Variants in C6orf15 observed in about 807,000 individuals in gnomAD.
C6orf15 encodes chromosome 6 open reading frame 15.
Under a neutral mutation model 2.8 loss-of-function variants are expected in C6orf15, and 5 were observed. The ratio of observed to expected loss-of-function variants is 1.80; its 90% confidence interval spans 0.94 to 3.78. The LOEUF is 3.78. C6orf15 is among the 30% of genes most tolerant of loss of function. The pLI is 0.00. For synonymous variants in C6orf15, 145 were observed against 163.2 expected (o/e 0.89, Z 0.85); for missense variants, 363 against 418.8 (o/e 0.87, Z 1.16).
At position 31,111,564 on chromosome 6, in the gene C6orf15, A is replaced by G. The variant is rs1771779032; in HGVS notation, c.795T>C (p.Asn265=). 3 of 1,574,408 alleles carry G rather than the reference A, an allele frequency of 1.9e-6. No individual in the cohort carries two copies. The highest frequency in any genetic ancestry group is 2.6e-6 in the Non-Finnish European group (3 of 1,159,512). Residue 265 remains asparagine, a synonymous_variant, in exon 2 of 2, where the codon AAT becomes AAC. Coordinates refer to ENST00000259870, the MANE Select transcript of C6orf15 (RefSeq NM_014070.3). ...RYPGGSWGNI[N]RYPGGSWGNI... The stretch of plus-strand genomic sequence containing the variant: ...TCCCCCAGCTGCCTCCTGGATACCG[A>G]TTAATATTTCCCCAGCTGCCTCCTG...
chr6:31,111,519 T>A lies in C6orf15; in HGVS notation c.840A>T (p.Gly280=). The part of the protein sequence containing the change: ...GSWGNINRYP[G]GSWGNIHLYP... ...ATAGATGAATATTCCCCCAGCTGCC[T>A]CCTGGATACCGATTAATATTCCCCC... The change falls in exon 2 of 2, where the codon GGA becomes GGT. Residue 280 remains glycine (G), a synonymous_variant. Coordinates refer to ENST00000259870, the MANE Select transcript of C6orf15 (RefSeq NM_014070.3). The A allele has an allele frequency of 6.2e-7, 1 of 1,604,022 alleles. No homozygotes were observed. The highest frequency in any genetic ancestry group is 8.5e-7 in the Non-Finnish European group (1 of 1,174,848).
Position 31,111,666 on chromosome 6 carries a change from G to A in C6orf15, c.693C>T (p.Pro231=), listed in dbSNP as rs778078806. The A allele has an allele frequency of 6.2e-7, 1 of 1,611,434 alleles. No individual in the cohort carries two copies. The highest frequency in any genetic ancestry group is 1.7e-5 in the Admixed American group (1 of 59,968). Reference sequence around the variant, plus strand: ...CCCAGATTCCCTCAGGGTGTGGCATGGGCCTCGTTCCCCAACCAGTCCCAG... The same window carrying A: ...CCCAGATTCCCTCAGGGTGTGGCATAGGCCTCGTTCCCCAACCAGTCCCAG... ...GGPGTGWGTR[P]MPHPEGIWGI... Residue 231 remains proline, a synonymous_variant, in exon 2 of 2, where the codon CCC becomes CCT. Coordinates refer to ENST00000259870, the MANE Select transcript of C6orf15 (RefSeq NM_014070.3).
In C6orf15 at chr6:31,112,225, G is replaced by A. The variant is rs768333535; in HGVS notation, c.134C>T (p.Pro45Leu). 6.2e-7 allele frequency: 1 copy of A among 1,614,064 alleles called. No individual in the cohort carries two copies. Among genetic ancestry groups the A allele is most frequent in the Non-Finnish European group, 8.5e-7 (1 of 1,179,988 alleles). Residue 45 changes from proline to leucine, a missense_variant, in exon 2 of 2, where the codon CCT becomes CTT. Physicochemically the swap from Pro to Leu is moderately conservative, Grantham distance 98. Transcript: ENST00000259870. ...KVSQNLGTNL[P>L]QLGQPSSTGP... ...AGTGGAGGAAGGTTGTCCGAGCTGA[G>A]GCAAGTTGGTCCCCAAGTTTTGGGA...
Position 31,112,511 on chromosome 6 carries a change from G to A in C6orf15, c.45C>T (p.Leu15=). The A allele has an allele frequency of 1.3e-6, 2 of 1,552,896 alleles. No homozygotes were observed. Among genetic ancestry groups the A allele is most frequent in the Non-Finnish European group, 8.7e-7 (1 of 1,147,472 alleles). The change falls in exon 1 of 2, where the codon CTC becomes CTT. Residue 15 remains leucine, a synonymous_variant. Transcript: ENST00000259870. ...VAGSCAPLGL[L]LVCLHLPGLF... Reference sequence around the variant, plus strand: ...TACCTGGGAGATGAAGACAGACCAGGAGCAGGCCCAGAGGAGCGCAGCTCC... The same window carrying A: ...TACCTGGGAGATGAAGACAGACCAGAAGCAGGCCCAGAGGAGCGCAGCTCC...
rs2233987 is a variant in C6orf15, at chr6:31,111,297, C to T, written c.*84G>A. 0.34 allele frequency: 417,805 copies of T among 1,244,330 alleles called. 74,664 individuals are homozygous for T. The highest frequency in any genetic ancestry group is 0.45 in the African/African-American group (29,590 of 65,654). The allele number at this position is 1,244,330 out of a possible 1,614,324, so 77.1% of individuals were successfully genotyped here. On this transcript the variant is annotated 3_prime_UTR_variant, in exon 2 of 2. Coordinates refer to ENST00000259870, the MANE Select transcript of C6orf15 (RefSeq NM_014070.3). ...AAGTGGGGATAGTGCTGGAAACATGCTGACAGGGCCTGGATTGAGCCCACA... is the reference window on the plus strand; with the variant it reads ...AAGTGGGGATAGTGCTGGAAACATGTTGACAGGGCCTGGATTGAGCCCACA...
At position 31,111,877 on chromosome 6, in the gene C6orf15, C is replaced by T; in HGVS notation, c.482G>A (p.Gly161Asp). ...LPGESSPDAT[G>D]LSPKASLLHQ... ...GAGGAGTGAAGCCTTGGGTGAGAGG[C>T]CTGTGGCATCGGGAGAAGACTCCCC... The change falls in exon 2 of 2, where the codon GGC becomes GAC. Residue 161 changes from glycine to aspartate, a missense_variant. Coordinates refer to ENST00000259870, the MANE Select transcript of C6orf15 (RefSeq NM_014070.3). The T allele has an allele frequency of 1.3e-5, 21 of 1,612,746 alleles. No homozygotes were observed. The highest frequency in any genetic ancestry group is 1.8e-5 in the Non-Finnish European group (21 of 1,179,814).
rs1771795185 is a variant in C6orf15, at chr6:31,111,789, G to T, written c.570C>A (p.Ile190=). Residue 190 remains isoleucine, a synonymous_variant, in exon 2 of 2, where the codon ATC becomes ATA. Transcript: ENST00000259870. ...GAGACCAGGGAGGGCGTTGGGAAAG[G>T]ATTTTTCCCCCGGCTCCCAGTGAAT... The part of the protein sequence containing the change: ...RSNSLGAGGK[I]LSQRPPWSLI... 1 of 1,612,900 alleles carries T rather than the reference G, an allele frequency of 6.2e-7. No individual in the cohort carries two copies. Among genetic ancestry groups the T allele is most frequent in the Non-Finnish European group, 8.5e-7 (1 of 1,179,952 alleles).
At position 31,112,417 on chromosome 6, in the gene C6orf15, C is replaced by A. The variant is rs1312718954; in HGVS notation, c.67+72G>T. 6 of 1,451,004 alleles carry A rather than the reference C, an allele frequency of 4.1e-6. No individual in the cohort carries two copies. In the African/African-American group the frequency reaches 8.5e-5, roughly 21 times the overall value. The allele number at this position is 1,451,004 out of a possible 1,614,324, so 89.9% of individuals were successfully genotyped here. Reference sequence around the variant, plus strand: ...CTAAATGTGTACCCTCCTGCCTTTACCCCTTTCCTTAATTCCTGTTTCCTG... The same window carrying A: ...CTAAATGTGTACCCTCCTGCCTTTAACCCTTTCCTTAATTCCTGTTTCCTG... On this transcript the variant is annotated intron_variant, in intron 1 of 1. Coordinates refer to ENST00000259870, the MANE Select transcript of C6orf15 (RefSeq NM_014070.3).
Position 31,111,411 on chromosome 6 carries a change from AT to A in C6orf15, c.947del (p.Asn316IlefsTer14). On this transcript the variant is annotated frameshift_variant, in exon 2 of 2. Coordinates refer to ENST00000259870, the MANE Select transcript of C6orf15 (RefSeq NM_014070.3). LOFTEE classifies it high-confidence loss of function. ...SSWNIPAGFP[N>X]PPSPRLQWG ...CCCACTGCAACCTAGGGCTTGGAGG[AT>A]TAGGGAAGCCAGCTGGGATGTTCCA... 5 of 1,607,544 alleles carry A rather than the reference AT, an allele frequency of 3.1e-6. No homozygotes were observed. Among genetic ancestry groups the A allele is most frequent in the Non-Finnish European group, 3.4e-6 (4 of 1,175,968 alleles).
intron 1 of C6orf15, 93 bp downstream of exon 1, chr6:31,112,396 A>T (rs768263424): frequency 1.2e-5 from 17 of 1,448,858 alleles, no homozygotes; most frequent in Non-Finnish European, 1.5e-5. Flanking sequence ...AGGGACCTAA[A>T]TGTGTACCCT....
intron 1 of C6orf15, 91 bp downstream of exon 1, chr6:31,112,398 G>A (rs1771837872): frequency 6.9e-7 from 1 of 1,445,526 alleles, no homozygotes; most frequent in Non-Finnish European, 9.4e-7. Context: ...GGACCTAAAT[G>A]TGTACCCTCC....
chr6:31,112,483 C>T lies in C6orf15; in HGVS notation c.67+6G>A. 1 of 1,551,388 alleles carries T rather than the reference C, an allele frequency of 6.4e-7. No homozygotes were observed. The highest frequency in any genetic ancestry group is 8.7e-7 in the Non-Finnish European group (1 of 1,146,576). On this transcript the variant is annotated splice_donor_region_variant and intron_variant, in intron 1 of 1. Transcript: ENST00000259870. The stretch of plus-strand genomic sequence containing the variant: ...CTCCTGCCCAAGGGCATCACGGCCT[C>T]CATACCTGGGAGATGAAGACAGACC...
Position 31,112,287 on chromosome 6 carries a change from G to C in C6orf15, c.72C>G (p.Leu24=). 6.2e-7 allele frequency: 1 copy of C among 1,607,260 alleles called. No individual in the cohort carries two copies. Among genetic ancestry groups the C allele is most frequent in the Non-Finnish European group, 8.5e-7 (1 of 1,176,700 alleles). The part of the protein sequence containing the change: ...LLLVCLHLPG[L]FARSIGVVEE... ...CCACAACACCGATGCTCCGGGCAAAGAGGCCTGAGGGAAAGGGAAGATAAA... is the reference window on the plus strand; with the variant it reads ...CCACAACACCGATGCTCCGGGCAAACAGGCCTGAGGGAAAGGGAAGATAAA... The change falls in exon 2 of 2, where the codon CTC becomes CTG. Residue 24 remains leucine, a synonymous_variant. Transcript: ENST00000259870.
rs2233986 is a variant in C6orf15, at chr6:31,111,299, G to A, written c.*82C>T. ...GTGGGGATAGTGCTGGAAACATGCT[G>A]ACAGGGCCTGGATTGAGCCCACACA... On this transcript the variant is annotated 3_prime_UTR_variant, in exon 2 of 2. Coordinates refer to ENST00000259870, the MANE Select transcript of C6orf15 (RefSeq NM_014070.3). 0.34 allele frequency: 423,022 copies of A among 1,261,844 alleles called. 75,452 individuals are homozygous for A. Among genetic ancestry groups the A allele is most frequent in the African/African-American group, 0.45 (29,741 of 66,032 alleles). The allele number at this position is 1,261,844 out of a possible 1,614,324, so 78.2% of individuals were successfully genotyped here.
rs2233971 is a variant in C6orf15, at chr6:31,112,546, G to T, written c.10C>A (p.Arg4Ser). Reference protein sequence around the residue: MQGRVAGSCAPLGL... With the variant: MQGSVAGSCAPLGL... ...AGAGGAGCGCAGCTCCCTGCCACGC[G>T]GCCCTGCATCCTGCTCAGCACCCGA... Residue 4 changes from arginine to serine, a missense_variant, in exon 1 of 2, where the codon CGC becomes AGC. By Grantham distance (110) the Arg-to-Ser change is moderately radical. Transcript: ENST00000259870. The T allele has an allele frequency of 1.3e-3, 1,992 of 1,545,430 alleles. 21 individuals are homozygous for T. In the African/African-American group the frequency reaches 0.023, roughly 18 times the overall value.
intron 1 of C6orf15, 50 bp downstream of exon 1, chr6:31,112,439 C>T (rs770697599): frequency 6.7e-7 from 1 of 1,483,996 alleles, no homozygotes; most frequent in Non-Finnish European, 9.1e-7. Flanking sequence ...ATTCCTGTTT[C>T]CTGGGGGACC....
chr6:31,111,978 C>CA lies in C6orf15; in HGVS notation c.380dup (p.Glu129GlyfsTer5). 1 of 1,613,402 alleles carries CA rather than the reference C, an allele frequency of 6.2e-7. No individual in the cohort carries two copies. Among genetic ancestry groups the CA allele is most frequent in the Non-Finnish European group, 8.5e-7 (1 of 1,180,016 alleles). ...AGAGTTCTTCAGGCAGCGCTTCCCCCAGGCGGTCCTCAGCCGCAGCAGCCA... is the reference window on the plus strand; with the variant it reads ...AGAGTTCTTCAGGCAGCGCTTCCCCCAAGGCGGTCCTCAGCCGCAGCAGCCA... On this transcript the variant is annotated frameshift_variant, in exon 2 of 2. Transcript: ENST00000259870. LOFTEE classifies it low-confidence loss of function (END_TRUNC).
In C6orf15 at chr6:31,112,573, C is replaced by A; in HGVS notation, c.-18G>T. 2 of 1,505,664 alleles carry A rather than the reference C, an allele frequency of 1.3e-6. No homozygotes were observed. The highest frequency in any genetic ancestry group is 1.8e-6 in the Non-Finnish European group (2 of 1,122,044). The allele number at this position is 1,505,664 out of a possible 1,614,324, so 93.3% of individuals were successfully genotyped here. ...CCCTGCATCCTGCTCAGCACCCGATCTCCCTCAGCCCCAAGACAGCCAGCC... is the reference window on the plus strand; with the variant it reads ...CCCTGCATCCTGCTCAGCACCCGATATCCCTCAGCCCCAAGACAGCCAGCC... On this transcript the variant is annotated 5_prime_UTR_variant, in exon 1 of 2. Transcript: ENST00000259870.
chr6:31,112,545 C>A lies in C6orf15; in HGVS notation c.11G>T (p.Arg4Leu), dbSNP rs199527614. The change falls in exon 1 of 2, where the codon CGC becomes CTC. Residue 4 changes from arginine to leucine, a missense_variant. By Grantham distance (102) the Arg-to-Leu change is moderately radical. Transcript: ENST00000259870. ...CAGAGGAGCGCAGCTCCCTGCCACG[C>A]GGCCCTGCATCCTGCTCAGCACCCG... MQG[R>L]VAGSCAPLGL... 1.9e-6 allele frequency: 3 copies of A among 1,547,598 alleles called. No individual in the cohort carries two copies. Among genetic ancestry groups the A allele is most frequent in the Non-Finnish European group, 2.6e-6 (3 of 1,144,788 alleles).
Sources: allele counts gnomAD v4.1 joint callset, GRCh38; gene constraint gnomAD v4.1.1; transcripts MANE v1.5; gene names NCBI Gene and HGNC (gene_info 2026-07-23, HGNC 2026-07-21).